The following SLCO3A1 variants were observed in gnomAD, a reference collection of about 807,000 sequenced individuals.
SLCO3A1 encodes the protein solute carrier organic anion transporter family member 3A1.
In SLCO3A1, 27 loss-of-function variants were observed where a neutral mutation model predicts 63.1. That is an observed-to-expected ratio of 0.43 (90% CI 0.32 to 0.59). The LOEUF (loss-of-function observed/expected upper bound fraction) is 0.59, where lower values mean the gene tolerates loss of function less well. SLCO3A1 is among the 20% of genes least tolerant of loss of function. SLCO3A1 has a pLI of 0.09. For missense variants in SLCO3A1, 773 were observed against 945.8 expected (o/e 0.82, Z 2.40); for synonymous variants, 473 against 409.9 (o/e 1.15, Z -1.86).
At chr15:92,115,700 A>G (rs1304685093) in intron 4 of SLCO3A1, among the ~76,000 whole-genome samples, 1 of 151,272 alleles carries the variant, frequency 6.6e-6, no homozygotes, top group Non-Finnish European at 1.5e-5. Context: ...ATTATTTTAT[A>G]CAACCTCATT....
At chr15:92,053,584 C>G (rs2046984334) in intron 2 of SLCO3A1, among the ~76,000 whole-genome samples, 1 of 152,112 alleles carries the variant, frequency 6.6e-6, no homozygotes. Context: ...GACAGCTCGT[C>G]AGACTTTTCT....
Position 92,094,879 on chromosome 15 carries a change from A to G in SLCO3A1, c.647-2A>G. On this transcript the variant is annotated splice_acceptor_variant, in intron 2 of 9. Transcript: ENST00000318445. LOFTEE classifies it high-confidence loss of function. ...TCTATTTTTTTCTTCATCTTCCTTCAGGAATCCTGTTCACGATGCTGGTAT... is the reference window on the plus strand; with the variant it reads ...TCTATTTTTTTCTTCATCTTCCTTCGGGAATCCTGTTCACGATGCTGGTAT... 6.2e-7 allele frequency: 1 copy of G among 1,607,928 alleles called. No individual in the cohort carries two copies. The highest frequency in any genetic ancestry group is 8.5e-7 in the Non-Finnish European group (1 of 1,174,720).
chr15:92,007,156 G>A (rs1278883689), intron 2 of SLCO3A1, among the ~76,000 whole-genome samples: 1 of 152,288 alleles, frequency 6.6e-6, no homozygotes, highest in Admixed American at 6.5e-5. Flanking sequence ...TTATATATAT[G>A]TTCTCAATGA....
chr15:92,108,909 A>G (rs1567124732), intron 4 of SLCO3A1, among the ~76,000 whole-genome samples: 1 of 151,996 alleles, frequency 6.6e-6, no homozygotes. Context: ...AATCCCTGCA[A>G]AGCACCTGGG....
chr15:92,120,418 C>T lies in SLCO3A1; in HGVS notation c.1010-47C>T, dbSNP rs1298184598. The T allele has an allele frequency of 5.7e-6, 9 of 1,585,594 alleles. No homozygotes were observed. In the African/African-American group the frequency reaches 8.1e-5, roughly 14 times the overall value. On this transcript the variant is annotated intron_variant, in intron 4 of 9. Coordinates refer to ENST00000318445, the MANE Select transcript of SLCO3A1 (RefSeq NM_013272.4). ...AGCAGGGAGCTATAAGATGGGAGCA[C>T]AGGGTGTGACCTTGACCCTGACCAT...
In SLCO3A1 at chr15:91,981,538, C is replaced by T. The variant is rs73532468; in HGVS notation, c.646+65080C>T. On this transcript the variant is annotated intron_variant, in intron 2 of 9. Transcript: ENST00000318445. ...TCCTGCAGAGTGCTTCCTACCTGTG[C>T]GCATTCCATAAGTCCTTCAAGGACC... 6.6e-3 allele frequency among the ~76,000 whole-genome samples: 1,001 copies of T among 152,100 alleles called. 11 individuals carry two copies. Among genetic ancestry groups the T allele is most frequent in the African/African-American group, 0.023 (958 of 41,496 alleles).
chr15:91,978,183 C>G (rs546257605), intron 2 of SLCO3A1, among the ~76,000 whole-genome samples: 1 of 152,326 alleles, frequency 6.6e-6, no homozygotes, highest in African/African-American at 2.4e-5. Context: ...AAAGACAGAA[C>G]TTCAGTCAGT....
chr15:91,925,935 C>T (rs1357980947), intron 2 of SLCO3A1, among the ~76,000 whole-genome samples: 1 of 152,176 alleles, frequency 6.6e-6, no homozygotes, highest in Non-Finnish European at 1.5e-5. Context: ...CAGGTTTCTG[C>T]CTCATCAGGC....
chr15:92,168,652 G>A (rs575831352), downstream of SLCO3A1, among the ~76,000 whole-genome samples: 5 of 152,294 alleles, frequency 3.3e-5, no homozygotes, highest in Admixed American at 3.3e-4. Flanking sequence ...TGTAGCATGG[G>A]CCAGGGCATA....
At chr15:92,118,083 A>C (rs968238950) in intron 4 of SLCO3A1, among the ~76,000 whole-genome samples, 1 of 152,248 alleles carries the variant, frequency 6.6e-6, no homozygotes, top group African/African-American at 2.4e-5. Flanking sequence ...AAACACACAC[A>C]TAAAGACCAG....
intron 2 of SLCO3A1, among the ~76,000 whole-genome samples, chr15:91,976,829 T>C (rs1901131498): frequency 6.6e-6 from 1 of 151,982 alleles, no homozygotes; most frequent in African/African-American, 2.4e-5. Flanking sequence ...TAGGTGTGGG[T>C]CACAGACATC....
intron 2 of SLCO3A1, among the ~76,000 whole-genome samples, chr15:92,029,099 G>C (rs2046614101): frequency 6.6e-6 from 1 of 152,140 alleles, no homozygotes. Flanking sequence ...TTTCTTAAAA[G>C]AGAGGCGGTA....
chr15:91,956,344 T>C (rs1390665696), intron 2 of SLCO3A1, among the ~76,000 whole-genome samples: 2 of 152,196 alleles, frequency 1.3e-5, no homozygotes, highest in African/African-American at 4.8e-5. Context: ...AGCGTGACTC[T>C]CAGTTGTGCT....
At chr15:92,119,387 T>A (rs1422610589) in intron 4 of SLCO3A1, among the ~76,000 whole-genome samples, 1 of 152,190 alleles carries the variant, frequency 6.6e-6, no homozygotes, top group East Asian at 1.9e-4. Flanking sequence ...TCCGGCTCTG[T>A]CATTATTTAA....
At position 91,885,142 on chromosome 15, in the gene SLCO3A1, C is replaced by T. The variant is rs1028319291; in HGVS notation, c.181-30851C>T. Among the ~76,000 whole-genome samples the T allele has an allele frequency of 3.9e-5, 6 of 152,196 alleles. No individual in the cohort carries two copies. The highest frequency in any genetic ancestry group is 1.9e-4 in the East Asian group (1 of 5,194). ...GTGCTGAGCCTGCCCGCCTGCTCTGCGTCACCTGGAAGGAGGGTGCAGAAG... is the reference window on the plus strand; with the variant it reads ...GTGCTGAGCCTGCCCGCCTGCTCTGTGTCACCTGGAAGGAGGGTGCAGAAG... On this transcript the variant is annotated intron_variant, in intron 1 of 9. Coordinates refer to ENST00000318445, the MANE Select transcript of SLCO3A1 (RefSeq NM_013272.4). The surrounding 1 kb of genome is among the most constrained non-coding windows in gnomAD (Gnocchi z 4.7).
chr15:92,136,760 C>G (rs2048062251), intron 7 of SLCO3A1, among the ~76,000 whole-genome samples: 1 of 152,164 alleles, frequency 6.6e-6, no homozygotes, highest in African/African-American at 2.4e-5. Flanking sequence ...CTCAACCTGC[C>G]AAATAGATGA....
At chr15:91,944,923 AT>A in intron 2 of SLCO3A1, among the ~76,000 whole-genome samples, 1 of 152,278 alleles carries the variant, frequency 6.6e-6, no homozygotes, top group East Asian at 1.9e-4. Flanking sequence ...CCACGCCCAA[AT>A]TTCAACTTTT....
intron 2 of SLCO3A1, among the ~76,000 whole-genome samples, chr15:91,999,349 C>T (rs1725483065): frequency 6.6e-6 from 1 of 152,010 alleles, no homozygotes; most frequent in Non-Finnish European, 1.5e-5. Flanking sequence ...TTGTGCTACA[C>T]ATAACCAATC....
At chr15:92,026,972 C>T (rs2046581687) in intron 2 of SLCO3A1, among the ~76,000 whole-genome samples, 1 of 152,080 alleles carries the variant, frequency 6.6e-6, no homozygotes, top group African/African-American at 2.4e-5. Context: ...CGCCTGTAAT[C>T]CCAGCTACTT....
Sources: allele counts gnomAD v4.1 joint callset (sites outside exome capture counted in the v4.1 genomes callset), GRCh38; gene constraint gnomAD v4.1.1; non-coding constraint Gnocchi (gnomAD v3.1); transcripts MANE v1.5; gene names NCBI Gene and HGNC (gene_info 2026-07-23, HGNC 2026-07-21).